The following PGM5 variants were observed in gnomAD, a reference collection of about 807,000 sequenced individuals.
PGM5 encodes the protein phosphoglucomutase-like protein 5.
A neutral mutation model predicts 59.2 loss-of-function variants in PGM5; 23 were observed. The ratio of observed to expected loss-of-function variants is 0.39; its 90% confidence interval spans 0.28 to 0.55. The LOEUF is 0.55. Among genes scored for constraint, PGM5 ranks in the 20% least tolerant of loss-of-function variants. The pLI, the probability that PGM5 is intolerant of heterozygous loss-of-function variation, is 0.66. For synonymous variants in PGM5, 214 were observed against 286.0 expected (o/e 0.75, Z 2.54); for missense variants, 574 against 748.3 (o/e 0.77, Z 2.72).
intron 3 of PGM5, among the ~76,000 whole-genome samples, chr9:68,385,026 G>A (rs1554678728): frequency 1.3e-5 from 2 of 151,948 alleles, no homozygotes; most frequent in Non-Finnish European, 2.9e-5. Context: ...CAAGCACCGT[G>A]TTAGGAGATT....
intron 6 of PGM5, among the ~76,000 whole-genome samples, chr9:68,451,353 G>C (rs559977945): frequency 9.2e-5 from 14 of 152,132 alleles, no homozygotes; most frequent in Non-Finnish European, 1.8e-4. Context: ...TAATTTGTAG[G>C]ATATATTTTC....
chr9:68,477,084 C>T (rs542348615), intron 7 of PGM5, among the ~76,000 whole-genome samples: 1 of 152,232 alleles, frequency 6.6e-6, no homozygotes, highest in East Asian at 1.9e-4. Flanking sequence ...GGAGCTAACT[C>T]AGTCTTCCAA....
intron 6 of PGM5, among the ~76,000 whole-genome samples, chr9:68,412,933 G>A (rs1554681721): frequency 3.3e-5 from 5 of 152,162 alleles, no homozygotes; most frequent in Non-Finnish European, 2.9e-5. Flanking sequence ...ATGCTGATGT[G>A]TTCTTTGGGA....
chr9:68,434,822 G>T (rs17056004), intron 6 of PGM5, among the ~76,000 whole-genome samples: 2,096 of 152,162 alleles, frequency 0.014, 54 homozygotes, highest in African/African-American at 0.048. Context: ...CTGTGATGTA[G>T]GGTCCTGACT....
intron 10 of PGM5, among the ~76,000 whole-genome samples, chr9:68,505,311 A>T (rs1450782689): frequency 6.6e-6 from 1 of 152,150 alleles, no homozygotes; most frequent in African/African-American, 2.4e-5. Flanking sequence ...TTTTCCTCAG[A>T]TCAATCAATT....
intron 6 of PGM5, among the ~76,000 whole-genome samples, chr9:68,415,511 A>G (rs1384910549): frequency 6.9e-6 from 1 of 145,208 alleles, no homozygotes; most frequent in African/African-American, 2.8e-5. Context: ...AGAAATGTGG[A>G]CAGCTGAAGC....
intron 1 of PGM5, among the ~76,000 whole-genome samples, chr9:68,373,379 T>G (rs1275240974): frequency 1.3e-5 from 2 of 152,092 alleles, no homozygotes; most frequent in Non-Finnish European, 2.9e-5. Flanking sequence ...CTGGTAATTC[T>G]CCAATTATAA....
chr9:68,528,683 C>T (rs1825027067), intron 10 of PGM5, among the ~76,000 whole-genome samples: 1 of 152,196 alleles, frequency 6.6e-6, no homozygotes. Context: ...AGTGACATTA[C>T]ATTCTAGCTG....
At chr9:68,381,859 A>G (rs1449179050) in intron 2 of PGM5, among the ~76,000 whole-genome samples, 1 of 151,928 alleles carries the variant, frequency 6.6e-6, no homozygotes, top group Non-Finnish European at 1.5e-5. Flanking sequence ...TATACTGAAA[A>G]CTATAAAACA....
chr9:68,503,615 T>C (rs1310823052), intron 10 of PGM5, among the ~76,000 whole-genome samples: 1 of 152,222 alleles, frequency 6.6e-6, no homozygotes, highest in African/African-American at 2.4e-5. Flanking sequence ...ATGATTACTC[T>C]AGCTACCAGC....
chr9:68,511,645 G>C (rs528623454), intron 10 of PGM5, among the ~76,000 whole-genome samples: 22 of 133,306 alleles, frequency 1.7e-4, no homozygotes, highest in African/African-American at 5.9e-4. Flanking sequence ...CCACCTCCCA[G>C]GTTCAAGCAA....
intron 6 of PGM5, among the ~76,000 whole-genome samples, chr9:68,450,705 T>A (rs375546216): frequency 4.6e-5 from 7 of 152,218 alleles, no homozygotes; most frequent in African/African-American, 1.7e-4. Context: ...CTAGAAAATA[T>A]GTTATAAGTG....
chr9:68,498,448 T>G, intron 9 of PGM5: 1 of 152,184 alleles, frequency 6.6e-6, no homozygotes, highest in South Asian at 2.1e-4. Flanking sequence ...GCAGATTCAC[T>G]GAGCCAGACA....
chr9:68,429,092 GT>G (rs1554682864), intron 6 of PGM5: 1 of 152,094 alleles, frequency 6.6e-6, no homozygotes, highest in Admixed American at 6.6e-5. Context: ...CACTTTTAGG[GT>G]CTGCTCCAGT....
chr9:68,472,907 G>A (rs1042029383), intron 7 of PGM5, among the ~76,000 whole-genome samples: 10 of 152,146 alleles, frequency 6.6e-5, no homozygotes, highest in Admixed American at 1.3e-4. Context: ...ACTCTTCTGC[G>A]CTTGCACCTG....
At chr9:68,426,729 A>C (rs980646846) in intron 6 of PGM5, 1 of 151,996 alleles carries the variant, frequency 6.6e-6, no homozygotes, top group African/African-American at 2.4e-5. Context: ...CACTTCATCC[A>C]AATATCTTTC....
chr9:68,509,626 C>T (rs1434869823), intron 10 of PGM5, among the ~76,000 whole-genome samples: 2 of 152,168 alleles, frequency 1.3e-5, no homozygotes, highest in Non-Finnish European at 2.9e-5. Context: ...GCGCCAGCGT[C>T]GGACAGGAGG....
At chr9:68,478,014 T>C (rs1554686810) in intron 7 of PGM5, among the ~76,000 whole-genome samples, 1 of 152,250 alleles carries the variant, frequency 6.6e-6, no homozygotes, top group Non-Finnish European at 1.5e-5. Flanking sequence ...TTAATGACTT[T>C]GTAATAACTT....
At chr9:68,502,986 G>T (rs1824602456) in intron 10 of PGM5, among the ~76,000 whole-genome samples, 1 of 152,128 alleles carries the variant, frequency 6.6e-6, no homozygotes, top group African/African-American at 2.4e-5. Flanking sequence ...ACCACATCCG[G>T]CTTTAAGTAT....
Sources: gnomAD v4.1 joint callset for allele counts (sites outside exome capture counted in the v4.1 genomes callset) on GRCh38, gnomAD v4.1.1 for gene constraint, MANE v1.5 for transcripts, NCBI Gene and HGNC (gene_info 2026-07-23, HGNC 2026-07-21) for gene names.